Variants in SERPINB11 observed in about 807,000 individuals in gnomAD.
SERPINB11 encodes the protein serpin family B member 11, also known as serpin B11.
SERPINB11 carries 32 observed loss-of-function variants against 36.7 expected under a neutral mutation model. The ratio of observed to expected loss-of-function variants is 0.87; its 90% CI spans 0.66 to 1.17. The LOEUF (loss-of-function observed/expected upper bound fraction) is 1.17. Among genes scored for constraint, SERPINB11 ranks in the 50% most tolerant of loss-of-function variants. The pLI is 0.00. For synonymous variants in SERPINB11, 174 were observed against 168.1 expected (o/e 1.04, Z -0.27); for missense variants, 528 against 458.4 (o/e 1.15, Z -1.39).
chr18:63,716,073 G>A lies in SERPINB11; in HGVS notation c.396G>A (p.Arg132=), dbSNP rs368482014. ...GTTCTGAGAAATGGTATCAAGCCAG[G>A]TTGCAAACTGTGGATTTTGAACAGT... ...LSCSEKWYQA[R]LQTVDFEQST... is the part of the protein sequence containing the mutation. Residue 132 remains arginine (R), a synonymous_variant, in exon 5 of 8, where the codon AGG becomes AGA. Transcript: ENST00000544088. 1.9e-6 allele frequency: 3 copies of A among 1,612,168 alleles called. No homozygotes were observed. The highest frequency in any genetic ancestry group is 2.5e-6 in the Non-Finnish European group (3 of 1,178,902).
intron 4 of SERPINB11, among the ~76,000 whole-genome samples, chr18:63,713,830 T>A (rs903997445): frequency 1.3e-5 from 2 of 152,198 alleles, no homozygotes; most frequent in Non-Finnish European, 2.9e-5. Context: ...CATGATGACA[T>A]CTGTTCCAGA....
intron 1 of SERPINB11, among the ~76,000 whole-genome samples, chr18:63,706,748 A>G (rs1914381603): frequency 6.6e-6 from 1 of 152,230 alleles, no homozygotes; most frequent in Non-Finnish European, 1.5e-5. Flanking sequence ...AGCAAAAATT[A>G]TTATTTCTCA....
chr18:63,704,921 C>T (rs1184028035), intron 1 of SERPINB11, among the ~76,000 whole-genome samples: 1 of 152,276 alleles, frequency 6.6e-6, no homozygotes, highest in Non-Finnish European at 1.5e-5. Context: ...ACCATTTGGG[C>T]ATCTGCCATC....
At chr18:63,706,393 C>T (rs9973192) in intron 1 of SERPINB11, among the ~76,000 whole-genome samples, 56,506 of 152,020 alleles carry the variant, frequency 0.37, 11,361 homozygotes, top group East Asian at 0.61. Flanking sequence ...AGCTCAGATA[C>T]GTACTGACTG....
chr18:63,720,277 T>C (rs932153732), intron 6 of SERPINB11, 122 bp downstream of exon 6: 1 of 873,966 alleles, frequency 1.1e-6, no homozygotes, highest in Non-Finnish European at 1.7e-6. Context: ...TGGTTCTTTT[T>C]ATTGTATTTT....
chr18:63,716,085 G>T lies in SERPINB11; in HGVS notation c.408G>T (p.Val136=), dbSNP rs1444624738. ...GGTATCAAGCCAGGTTGCAAACTGTGGATTTTGAACAGTCTACAGAAGAAA... is the reference window on the plus strand; with the variant it reads ...GGTATCAAGCCAGGTTGCAAACTGTTGATTTTGAACAGTCTACAGAAGAAA... ...EKWYQARLQT[V]DFEQSTEETR... The change falls in exon 5 of 8, where the codon GTG becomes GTT. Residue 136 remains valine (V), a synonymous_variant. Coordinates refer to ENST00000544088, the MANE Select transcript of SERPINB11 (RefSeq NM_001370475.1). 6.2e-7 allele frequency: 1 copy of T among 1,612,346 alleles called. No individual in the cohort carries two copies. Among genetic ancestry groups the T allele is most frequent in the Non-Finnish European group, 8.5e-7 (1 of 1,179,050 alleles).
At chr18:63,711,746 T>A (rs576611329) in intron 3 of SERPINB11, among the ~76,000 whole-genome samples, 4 of 152,186 alleles carry the variant, frequency 2.6e-5, no homozygotes, top group African/African-American at 9.6e-5. Context: ...ATGCTTGGCA[T>A]ATAATTATGT....
In SERPINB11 at chr18:63,720,106, A is replaced by C. The variant is rs61741417; in HGVS notation, c.569A>C (p.Asn190Thr). 3,811 of 1,609,308 alleles carry C rather than the reference A, an allele frequency of 2.4e-3. 83 individuals carry two copies. In the African/African-American group the frequency reaches 0.045, roughly 19 times the overall value. ...NAIYFKGQWQNKFQVRETVKS... is the reference protein window; with the variant it reads ...NAIYFKGQWQTKFQVRETVKS... ...ATATATTTCAAAGGACAATGGCAAA[A>C]TAAATTTCAAGTAAGAGAGACAGTT... The change falls in exon 6 of 8, where the codon AAT becomes ACT. Residue 190 changes from asparagine to threonine, a missense_variant. Coordinates refer to ENST00000544088, the MANE Select transcript of SERPINB11 (RefSeq NM_001370475.1).
chr18:63,723,458 C>T lies in SERPINB11; in HGVS notation c.*59C>T, dbSNP rs1475280560. 4.0e-6 allele frequency: 6 copies of T among 1,493,002 alleles called. No homozygotes were observed. Among genetic ancestry groups the T allele is most frequent in the Non-Finnish European group, 5.4e-6 (6 of 1,108,138 alleles). 92.5% of individuals were successfully genotyped at this position (1,493,002 alleles called of 1,614,324 possible). A position where few individuals can be genotyped will look rare whatever the true frequency, so the allele number is the denominator to read the frequency against. ...ATGAGGTGCAGAGACAATCCTGTGA[C>T]TTTCCCACGGCCAAAAAGCTGTTCA... On this transcript the variant is annotated 3_prime_UTR_variant, in exon 8 of 8. Transcript: ENST00000544088.
chr18:63,706,992 A>G lies in SERPINB11; in HGVS notation c.-15-3187A>G, dbSNP rs145899569. ...TTCCTCTTGTGGATCTCTTCTTATTAGAAGCCTTTTCTAGAAGCCTTCCAG... is the reference window on the plus strand; with the variant it reads ...TTCCTCTTGTGGATCTCTTCTTATTGGAAGCCTTTTCTAGAAGCCTTCCAG... On this transcript the variant is annotated intron_variant, in intron 1 of 7. Coordinates refer to ENST00000544088, the MANE Select transcript of SERPINB11 (RefSeq NM_001370475.1). 1.4e-4 allele frequency among the ~76,000 whole-genome samples: 22 copies of G among 152,282 alleles called. 1 individual carries two copies. The East Asian group carries it at 3.5e-3, about 24-fold the overall frequency.
In SERPINB11 at chr18:63,723,311, A is replaced by T. The variant is rs1172044578; in HGVS notation, c.1091A>T (p.Gln364Leu). The change falls in exon 8 of 8, where the codon CAG becomes CTG. Residue 364 changes from glutamine (Q) to leucine (L), a missense_variant. By Grantham distance (113) the Gln-to-Leu change is moderately radical (BLOSUM62 -2). Coordinates refer to ENST00000544088, the MANE Select transcript of SERPINB11 (RefSeq NM_001370475.1). ...GTAAAAAGCCTACCAATGAGAGCTC[A>T]GTTCAAGGCGAACCACCCCTTCCTT... ...IAVKSLPMRA[Q>L]FKANHPFLFF... 1.9e-6 allele frequency: 3 copies of T among 1,613,914 alleles called. No individual in the cohort carries two copies.
At chr18:63,715,490 T>C (rs1188561423) in intron 4 of SERPINB11, among the ~76,000 whole-genome samples, 1 of 152,238 alleles carries the variant, frequency 6.6e-6, no homozygotes, top group Non-Finnish European at 1.5e-5. Flanking sequence ...TCTTAAGATA[T>C]TTTTGTTCAC....
At position 63,720,976 on chromosome 18, in the gene SERPINB11, A is replaced by G; in HGVS notation, c.764A>G (p.Asn255Ser). Reference protein sequence around the residue: ...MIILLPVGIANLKQIEKQLNS... With the variant: ...MIILLPVGIASLKQIEKQLNS... ...ATTCTGCTTCCAGTAGGCATAGCTA[A>G]TCTGAAACAGGTAAAATTATAAGAA... The change falls in exon 7 of 8, where the codon AAT becomes AGT. Residue 255 changes from asparagine to serine, a missense_variant. Physicochemically the swap from Asn to Ser is conservative, Grantham distance 46. Transcript: ENST00000544088. The G allele has an allele frequency of 1.2e-6, 2 of 1,607,992 alleles. No individual in the cohort carries two copies. The highest frequency in any genetic ancestry group is 2.2e-5 in the East Asian group (1 of 44,794).
At position 63,716,116 on chromosome 18, in the gene SERPINB11, A is replaced by G. The variant is rs1315584187; in HGVS notation, c.439A>G (p.Lys147Glu). The change falls in exon 5 of 8, where the codon AAA (lysine) becomes GAA (glutamate). Residue 147 changes from lysine to glutamate, a missense_variant. Transcript: ENST00000544088. ...TGAACAGTCTACAGAAGAAACGAGG[A>G]AAACGATTAATGCTTGGGTTGAAAA... ...DFEQSTEETR[K>E]TINAWVENKT... The G allele has an allele frequency of 1.2e-6, 2 of 1,610,288 alleles. No individual in the cohort carries two copies. Among genetic ancestry groups the G allele is most frequent in the African/African-American group, 1.3e-5 (1 of 74,994 alleles).
At chr18:63,722,894 GA>G in intron 7 of SERPINB11, 100 bp from the exon 8 acceptor site, 1 of 1,214,298 alleles carries the variant, frequency 8.2e-7, no homozygotes, top group Non-Finnish European at 1.1e-6. Context: ...AAAAAGTGAT[GA>G]AGTTGAACCA....
rs79710936 is a variant in SERPINB11 at position 63,723,327 on chromosome 18, C to T, written c.1107C>T (p.His369=). The change falls in exon 8 of 8, where the codon CAC becomes CAT. Residue 369 remains histidine (H), a synonymous_variant. Transcript: ENST00000544088. ...TGAGAGCTCAGTTCAAGGCGAACCACCCCTTCCTTTTCTTTATAAGGCACA... is the reference window on the plus strand; with the variant it reads ...TGAGAGCTCAGTTCAAGGCGAACCATCCCTTCCTTTTCTTTATAAGGCACA... ...LPMRAQFKAN[H]PFLFFIRHTH... 1,952 of 1,613,880 alleles carry T rather than the reference C, an allele frequency of 1.2e-3. 19 individuals are homozygous for T. In the African/African-American group the frequency reaches 0.023, roughly 19 times the overall value.
At chr18:63,719,411 C>T (rs1422320841) in intron 5 of SERPINB11, among the ~76,000 whole-genome samples, 2 of 151,962 alleles carry the variant, frequency 1.3e-5, no homozygotes, top group African/African-American at 4.8e-5. Flanking sequence ...ATAACAGATT[C>T]CATTCCAAAA....
In SERPINB11 at chr18:63,716,455, T is replaced by G. The variant is rs1914670866; in HGVS notation, c.475+303T>G. Among the ~76,000 whole-genome samples the G allele has an allele frequency of 2.6e-5, 4 of 152,186 alleles. No homozygotes were observed. In the South Asian group the frequency reaches 8.3e-4, roughly 31 times the overall value. ...CCCATATATATTGCTAAACATTTCT[T>G]AAATGTTTCTTAGAAACATTTGGTT... On this transcript the variant is annotated intron_variant, in intron 5 of 7. Coordinates refer to ENST00000544088, the MANE Select transcript of SERPINB11 (RefSeq NM_001370475.1).
At chr18:63,713,338 A>G (rs966572532) in intron 4 of SERPINB11, among the ~76,000 whole-genome samples, 1 of 152,220 alleles carries the variant, frequency 6.6e-6, no homozygotes, top group Non-Finnish European at 1.5e-5. Context: ...CAGACTGTGA[A>G]GCAGATTCTG....
Sources: gnomAD v4.1 joint callset for allele counts (sites outside exome capture counted in the v4.1 genomes callset) on GRCh38, gnomAD v4.1.1 for gene constraint, MANE v1.5 for transcripts, NCBI Gene and HGNC (gene_info 2026-07-23, HGNC 2026-07-21) for gene names.